ZFPM1: variants seen among roughly 807,000 people sequenced by gnomAD.
The protein encoded by ZFPM1 is zinc finger protein ZFPM1.
ZFPM1 carries 28 observed loss-of-function variants against 46.3 expected under a neutral mutation model. The observed-to-expected ratio is 0.60, with a 90% CI of 0.45 to 0.83. The LOEUF (loss-of-function observed/expected upper bound fraction) is 0.83, where lower values mean the gene tolerates loss of function less well. Ranked by LOEUF, ZFPM1 falls within the 40% of genes least tolerant of loss-of-function variation. ZFPM1 has a pLI of 0.00. For synonymous variants in ZFPM1, 957 were observed against 675.9 expected, an observed-to-expected ratio of 1.42 and a Z score of -6.45; for missense variants, 1,878 against 1,432.4, an observed-to-expected ratio of 1.31 and a Z score of -5.02.
At chr16:88,522,594 G>T (rs557548621) in intron 4 of ZFPM1, among the ~76,000 whole-genome samples, 1 of 152,376 alleles carries the variant, frequency 6.6e-6, no homozygotes, top group Admixed American at 6.5e-5. Context: ...GCACAGATAG[G>T]GTTTCCGATG....
intron 1 of ZFPM1, among the ~76,000 whole-genome samples, chr16:88,472,393 C>T (rs1298553592): frequency 2.1e-5 from 3 of 140,492 alleles, no homozygotes; most frequent in Admixed American, 1.5e-4. Context: ...CTCGCTGTGT[C>T]GCCAGGCTGG....
At chr16:88,531,134 A>G (rs533965564) in intron 6 of ZFPM1, 1 of 152,258 alleles carries the variant, frequency 6.6e-6, no homozygotes, top group Non-Finnish European at 1.5e-5. Context: ...TGAAAGCCAG[A>G]TAAGGAATCC....
At chr16:88,457,165 G>A (rs968265906) in intron 1 of ZFPM1, among the ~76,000 whole-genome samples, 1 of 152,258 alleles carries the variant, frequency 6.6e-6, no homozygotes, top group Admixed American at 6.5e-5. Flanking sequence ...TCCAGAGAGG[G>A]CTGGGTTGGG....
chr16:88,519,052 G>GGATA (rs967810509), intron 4 of ZFPM1, among the ~76,000 whole-genome samples: 5 of 25,980 alleles, frequency 1.9e-4, no homozygotes, highest in Non-Finnish European at 4.9e-4. Flanking sequence ...ATGGATAGAT[G>GGATA]GATGGATGGA....
intron 4 of ZFPM1, among the ~76,000 whole-genome samples, chr16:88,518,624 G>C (rs1028250481): frequency 2.7e-5 from 4 of 149,876 alleles, no homozygotes; most frequent in Non-Finnish European, 5.9e-5. Context: ...TGGATGGATG[G>C]GAGGATAACC....
intron 3 of ZFPM1, among the ~76,000 whole-genome samples, chr16:88,499,950 G>A (rs1179342979): frequency 1.3e-5 from 2 of 152,232 alleles, no homozygotes; most frequent in Admixed American, 1.3e-4. Context: ...GGAGCCCTGG[G>A]TCTCCAGCCA....
rs551773012 is a variant in ZFPM1, at chr16:88,534,319, C to T, written c.2361C>T (p.Pro787=). ...SGPGLAPARS[P]GPAADGPIDL... ...CCGGCCTCGCCCCTGCGCGCTCGCCCGGCCCCGCGGCCGACGGCCCCATCG... is the reference window on the plus strand; with the variant it reads ...CCGGCCTCGCCCCTGCGCGCTCGCCTGGCCCCGCGGCCGACGGCCCCATCG... The change falls in exon 10 of 10, where the codon CCC becomes CCT. Residue 787 remains proline (P), a synonymous_variant. Coordinates refer to ENST00000319555, the MANE Select transcript of ZFPM1 (RefSeq NM_153813.3). 21 of 1,330,058 alleles carry T rather than the reference C, an allele frequency of 1.6e-5. No individual in the cohort carries two copies. In the South Asian group the frequency reaches 2.6e-4, roughly 16 times the overall value. The allele number at this position is 1,330,058 out of a possible 1,614,324, so 82.4% of individuals were successfully genotyped here. A position where few individuals can be genotyped will look rare whatever the true frequency, so the allele number is the denominator to read the frequency against.
intron 1 of ZFPM1, among the ~76,000 whole-genome samples, chr16:88,458,760 A>G (rs1907669556): frequency 1.3e-5 from 2 of 152,130 alleles, no homozygotes; most frequent in East Asian, 1.9e-4. Context: ...TCCTGACCCC[A>G]TTTCACAGAG....
At chr16:88,460,505 C>G (rs1907768681) in intron 1 of ZFPM1, among the ~76,000 whole-genome samples, 1 of 152,196 alleles carries the variant, frequency 6.6e-6, no homozygotes. Context: ...CAAGTCCTGC[C>G]CTGGTGCGAG....
At chr16:88,517,820 A>AGATG (rs966800733) in intron 4 of ZFPM1, among the ~76,000 whole-genome samples, 1 of 97,004 alleles carries the variant, frequency 1.0e-5, no homozygotes, top group Admixed American at 9.5e-5. Flanking sequence ...GTGGGTGGGT[A>AGATG]GATGGATGGA....
intron 3 of ZFPM1, among the ~76,000 whole-genome samples, chr16:88,493,933 C>T (rs1434386481): frequency 2.6e-5 from 4 of 152,314 alleles, no homozygotes; most frequent in South Asian, 2.1e-4. Context: ...TGTTCTGAGA[C>T]GGGAGCACAG....
rs765707296 is a variant in ZFPM1, at chr16:88,532,082, G to A, written c.793G>A (p.Ala265Thr). 16 of 1,612,292 alleles carry A rather than the reference G, an allele frequency of 9.9e-6. No individual in the cohort carries two copies. The highest frequency in any genetic ancestry group is 1.3e-5 in the African/African-American group (1 of 74,908). ...GCAGGCGCACCTGCTCTACTACTGC[G>A]CCAGCCGCCAGGGCACCGGCTCCCC... ...NLQAHLLYYC[A>T]SRQGTGSPAA... The change falls in exon 7 of 10, where the codon GCC becomes ACC. Residue 265 changes from alanine (A) to threonine (T), a missense_variant. Coordinates refer to ENST00000319555, the MANE Select transcript of ZFPM1 (RefSeq NM_153813.3).
chr16:88,508,166 G>GCC, intron 3 of ZFPM1, among the ~76,000 whole-genome samples: 1 of 152,016 alleles, frequency 6.6e-6, no homozygotes, highest in South Asian at 2.1e-4. Flanking sequence ...GTGCGGTGGC[G>GCC]CGCACCTGTA....
intron 2 of ZFPM1, among the ~76,000 whole-genome samples, chr16:88,487,535 G>C (rs953437017): frequency 2.6e-5 from 4 of 152,188 alleles, no homozygotes; most frequent in Admixed American, 6.5e-5. Flanking sequence ...GGCCAACGGG[G>C]GTGGGGGAGA....
chr16:88,507,408 CCTTT>C (rs1910721792), intron 3 of ZFPM1, among the ~76,000 whole-genome samples: 1 of 152,162 alleles, frequency 6.6e-6, no homozygotes, highest in Admixed American at 6.5e-5. Flanking sequence ...AGCCTGGGTC[CCTTT>C]ATGTTTCTTG....
At chr16:88,461,251 GC>G (rs66670004) in intron 1 of ZFPM1, among the ~76,000 whole-genome samples, 32,539 of 118,032 alleles carry the variant, frequency 0.28, 5,402 homozygotes, top group East Asian at 0.38. Context: ...GGGGCGGGAG[GC>G]CCTGGTGAGG....
chr16:88,534,761 T>C lies in ZFPM1; in HGVS notation c.2803T>C (p.Ser935Pro). Residue 935 changes from serine to proline, a missense_variant, in exon 10 of 10, where the codon TCC becomes CCC. Transcript: ENST00000319555. ...GGAGCCGCCGCCCGGCCCGCCCCCG[T>C]CCCCGGCCGCCGCGCCCGAGGCCGT... ...PQEPPPGPPP[S>P]PAAAPEAVPP... The C allele has an allele frequency of 9.3e-7, 1 of 1,078,506 alleles. No homozygotes were observed. Among genetic ancestry groups the C allele is most frequent in the Non-Finnish European group, 1.1e-6 (1 of 889,504 alleles). 66.8% of individuals were successfully genotyped at this position (1,078,506 alleles called of 1,614,324 possible). A position where few individuals can be genotyped will look rare whatever the true frequency, so the allele number is the denominator to read the frequency against.
intron 6 of ZFPM1, 140 bp from the exon 7 acceptor site, chr16:88,531,862 C>G (rs1180067049): frequency 1.3e-6 from 1 of 757,176 alleles, no homozygotes; most frequent in East Asian, 2.7e-5. Flanking sequence ...CTTACAGTTA[C>G]AGGAAGGGGT....
intron 3 of ZFPM1, among the ~76,000 whole-genome samples, chr16:88,494,870 TC>T (rs1227195132): frequency 6.6e-6 from 1 of 151,980 alleles, no homozygotes; most frequent in Non-Finnish European, 1.5e-5. Context: ...TCCCTCCTCC[TC>T]CCTGGAGCCA....
Sources: gnomAD v4.1 joint callset for allele counts (sites outside exome capture counted in the v4.1 genomes callset) on GRCh38, gnomAD v4.1.1 for gene constraint, MANE v1.5 for transcripts, NCBI Gene and HGNC (gene_info 2026-07-23, HGNC 2026-07-21) for gene names.